GPCPD1: variants seen among roughly 807,000 people sequenced by gnomAD.
GPCPD1 encodes glycerophosphocholine phosphodiesterase GPCPD1.
GPCPD1 carries 29 observed loss-of-function variants against 89.2 expected under a neutral mutation model. The observed-to-expected ratio is 0.33, with a 90% CI of 0.24 to 0.44. The LOEUF (loss-of-function observed/expected upper bound fraction) is 0.44. GPCPD1 is among the 20% of genes least tolerant of loss of function. GPCPD1 has a pLI of 1.00. For synonymous variants in GPCPD1, 258 were observed against 266.3 expected (o/e 0.97, Z 0.30); for missense variants, 594 against 808.9 (o/e 0.73, Z 3.22).
At chr20:5,604,805 A>C (rs189317235) in intron 1 of GPCPD1, among the ~76,000 whole-genome samples, 23 of 148,966 alleles carry the variant, frequency 1.5e-4, no homozygotes, top group African/African-American at 5.9e-4. Context: ...ACACACACAC[A>C]CGCCAGGCAT....
chr20:5,594,053 C>G (rs1979524403), intron 3 of GPCPD1, among the ~76,000 whole-genome samples: 1 of 152,198 alleles, frequency 6.6e-6, no homozygotes, highest in South Asian at 2.1e-4. Flanking sequence ...GTTATTCTAA[C>G]AGAAACTAAA....
intron 1 of GPCPD1, among the ~76,000 whole-genome samples, chr20:5,607,471 G>A (rs565826982): frequency 4.0e-4 from 60 of 151,294 alleles, no homozygotes; most frequent in African/African-American, 1.3e-3. Flanking sequence ...CCAGCTACTC[G>A]GGAAGCTGAG....
intron 3 of GPCPD1, among the ~76,000 whole-genome samples, chr20:5,594,458 T>G (rs1979560662): frequency 6.6e-6 from 1 of 152,080 alleles, no homozygotes; most frequent in African/African-American, 2.4e-5. Context: ...CCTGGCTAAC[T>G]TTGTTTTTTT....
chr20:5,558,286 C>A (rs566360536), intron 18 of GPCPD1, among the ~76,000 whole-genome samples, 181 bp from the exon 19 acceptor site: 5 of 151,926 alleles, frequency 3.3e-5, no homozygotes, highest in Non-Finnish European at 7.4e-5. Flanking sequence ...AATATATTCA[C>A]AATATATTAA....
At chr20:5,564,794 T>C (rs1986289406) in intron 15 of GPCPD1, among the ~76,000 whole-genome samples, 1 of 152,072 alleles carries the variant, frequency 6.6e-6, no homozygotes. Flanking sequence ...TGAGCCCTGA[T>C]CACGCCACTG....
At chr20:5,583,602 C>T (rs929108542) in intron 6 of GPCPD1, among the ~76,000 whole-genome samples, 2 of 152,116 alleles carry the variant, frequency 1.3e-5, no homozygotes, top group Non-Finnish European at 2.9e-5. Context: ...ACAGAAAGTA[C>T]ACAAATAACA....
intron 2 of GPCPD1, among the ~76,000 whole-genome samples, chr20:5,599,475 C>T (rs1439618192): frequency 1.3e-5 from 2 of 152,046 alleles, no homozygotes; most frequent in Non-Finnish European, 2.9e-5. Context: ...TCAAAAACAA[C>T]AGAAACAAAA....
intron 11 of GPCPD1, among the ~76,000 whole-genome samples, chr20:5,572,834 C>T (rs1026549089): frequency 6.6e-6 from 1 of 150,694 alleles, no homozygotes; most frequent in African/African-American, 2.5e-5. Flanking sequence ...TTAAGGAAGA[C>T]AAGTTGGTAT....
At chr20:5,571,079 C>T (rs982227300) in intron 11 of GPCPD1, among the ~76,000 whole-genome samples, 64 of 152,272 alleles carry the variant, frequency 4.2e-4, no homozygotes, top group African/African-American at 1.5e-3. Flanking sequence ...CACTACTTTA[C>T]TGAAAAGATG....
intron 19 of GPCPD1, among the ~76,000 whole-genome samples, chr20:5,554,182 C>T (rs1325911371): frequency 2.1e-5 from 2 of 94,064 alleles, no homozygotes; most frequent in African/African-American, 4.9e-5. Context: ...GACGGGTTTT[C>T]ACCGTGTTAG....
intron 4 of GPCPD1, among the ~76,000 whole-genome samples, chr20:5,592,522 CAG>C (rs1416293877): frequency 4.6e-5 from 7 of 152,246 alleles, no homozygotes; most frequent in Middle Eastern, 3.4e-3. Flanking sequence ...CACGAGGTAA[CAG>C]TGGCTGCTTG....
At chr20:5,586,965 A>T (rs1419175301) in intron 4 of GPCPD1, among the ~76,000 whole-genome samples, 1 of 152,158 alleles carries the variant, frequency 6.6e-6, no homozygotes, top group East Asian at 1.9e-4. Context: ...TTAGTTTAAA[A>T]TCTCATACAG....
In GPCPD1 at chr20:5,545,696, A is replaced by G. The variant is rs1025840835; in HGVS notation, c.*1965T>C. 1.3e-5 allele frequency: 2 copies of G among 152,246 alleles called. No homozygotes were observed. The highest frequency in any genetic ancestry group is 6.5e-5 in the Admixed American group (1 of 15,276). The allele number at this position is 152,246 out of a possible 1,614,324, so 9.4% of individuals were successfully genotyped here. The stretch of plus-strand genomic sequence containing the variant: ...AGGAGCCATTGCTTGTCATGTTTTA[A>G]TCATCTACTAACACTGGTTCATAAG... On this transcript the variant is annotated 3_prime_UTR_variant, in exon 20 of 20. Coordinates refer to ENST00000379019, the MANE Select transcript of GPCPD1 (RefSeq NM_019593.5).
intron 3 of GPCPD1, among the ~76,000 whole-genome samples, chr20:5,595,047 C>T (rs1979611683): frequency 6.6e-6 from 1 of 152,192 alleles, no homozygotes; most frequent in Non-Finnish European, 1.5e-5. Flanking sequence ...CACTGTCCTT[C>T]AACCTTCAGC....
At chr20:5,589,660 C>A (rs1321919922) in intron 4 of GPCPD1, among the ~76,000 whole-genome samples, 3 of 152,130 alleles carry the variant, frequency 2.0e-5, no homozygotes, top group African/African-American at 7.2e-5. Context: ...TCAGTGATAA[C>A]CCCAAAACAT....
chr20:5,568,166 G>A (rs1253119667), intron 12 of GPCPD1, among the ~76,000 whole-genome samples: 1 of 148,568 alleles, frequency 6.7e-6, no homozygotes, highest in African/African-American at 2.5e-5. Flanking sequence ...CTCTGTTGAA[G>A]GCACTTCTAC....
chr20:5,604,301 TA>T, intron 2 of GPCPD1, 62 bp downstream of exon 2: 1 of 845,836 alleles, frequency 1.2e-6, no homozygotes, highest in South Asian at 1.4e-5. Context: ...ATATTTAAGG[TA>T]ATCCAGATAA....
chr20:5,572,211 C>T (rs1469230233), intron 11 of GPCPD1, among the ~76,000 whole-genome samples: 2 of 152,046 alleles, frequency 1.3e-5, no homozygotes, highest in Admixed American at 1.3e-4. Context: ...GAAGCCATCA[C>T]GTTTATAGCT....
intron 4 of GPCPD1, among the ~76,000 whole-genome samples, chr20:5,587,718 A>C (rs1165311100): frequency 6.6e-6 from 1 of 152,218 alleles, no homozygotes; most frequent in African/African-American, 2.4e-5. Context: ...TATCTTTAGA[A>C]GGCATTAATA....
Sources: allele counts gnomAD v4.1 joint callset (sites outside exome capture counted in the v4.1 genomes callset), GRCh38; gene constraint gnomAD v4.1.1; transcripts MANE v1.5; gene names NCBI Gene and HGNC (gene_info 2026-07-23, HGNC 2026-07-21).